TRMT11: variants seen among roughly 807,000 people sequenced by gnomAD.
TRMT11 encodes tRNA methyltransferase 11, also known as tRNA (guanine(10)-N(2))-methyltransferase TRMT11.
Under a neutral mutation model 62.8 loss-of-function variants are expected in TRMT11, and 53 were observed. The observed-to-expected ratio is 0.84, with a 90% confidence interval of 0.68 to 1.06. The LOEUF (loss-of-function observed/expected upper bound fraction) is 1.06. Among genes scored for constraint, TRMT11 ranks in the 50% least tolerant of loss-of-function variants. The pLI is 0.00. For synonymous variants in TRMT11, 188 were observed against 190.3 expected, an observed-to-expected ratio of 0.99 and a Z score of 0.10; for missense variants, 556 against 553.4, an observed-to-expected ratio of 1.00 and a Z score of -0.05.
chr6:126,088,387 A>G (rs547396479), intron 17 of TRMT11, among the ~76,000 whole-genome samples: 2 of 152,330 alleles, frequency 1.3e-5, no homozygotes, highest in South Asian at 4.1e-4. Flanking sequence ...CACCTGGAGA[A>G]CTAAAAAAAA....
At chr6:126,154,331 G>A (rs532483140) in intron 21 of TRMT11, among the ~76,000 whole-genome samples, 11 of 145,464 alleles carry the variant, frequency 7.6e-5, no homozygotes, top group African/African-American at 2.5e-4. Flanking sequence ...AGATATGTGT[G>A]TGTGTGTATG....
chr6:126,082,741 AT>A (rs1777172166), intron 17 of TRMT11, among the ~76,000 whole-genome samples: 18 of 152,124 alleles, frequency 1.2e-4, no homozygotes, highest in Admixed American at 1.2e-3. Flanking sequence ...CCATTTTGGA[AT>A]TTTATGTCCT....
At chr6:126,078,265 C>A (rs1777076280) in intron 17 of TRMT11, among the ~76,000 whole-genome samples, 1 of 152,168 alleles carries the variant, frequency 6.6e-6, no homozygotes, top group African/African-American at 2.4e-5. Flanking sequence ...AGCCCAGCAG[C>A]CATATGTAAA....
At chr6:126,065,102 A>C (rs192503192) in intron 17 of TRMT11, among the ~76,000 whole-genome samples, 1 of 152,312 alleles carries the variant, frequency 6.6e-6, no homozygotes, top group East Asian at 1.9e-4. Flanking sequence ...TCTCACTCAC[A>C]AAACGTGAAC....
At position 126,039,120 on chromosome 6, in the gene TRMT11, G is replaced by C. The variant is rs1441113877; in HGVS notation, c.*284G>C. 4.9e-6 allele frequency: 1 copy of C among 204,116 alleles called. No homozygotes were observed. The highest frequency in any genetic ancestry group is 9.7e-6 in the Non-Finnish European group (1 of 103,086). 12.6% of individuals were successfully genotyped at this position (204,116 alleles called of 1,614,324 possible). On this transcript the variant is annotated 3_prime_UTR_variant, in exon 13 of 13. Coordinates refer to ENST00000334379, the MANE Select transcript of TRMT11 (RefSeq NM_001031712.3). The stretch of plus-strand genomic sequence containing the variant: ...TATTTTTTTACAATTAATCTACAAA[G>C]GGAATTAATATTGTTGACTTTTAAA...
exon 4 of TRMT11, chr6:126,202,093 C>T (rs1257823994): frequency 1.3e-5 from 2 of 152,062 alleles, no homozygotes; most frequent in African/African-American, 4.8e-5. Context: ...CATTGTTTAA[C>T]CATTTTGCCA....
At chr6:126,153,540 G>A (rs1194688751) in intron 21 of TRMT11, among the ~76,000 whole-genome samples, 1 of 152,180 alleles carries the variant, frequency 6.6e-6, no homozygotes, top group Non-Finnish European at 1.5e-5. Context: ...TAAAATATGA[G>A]TATATGACTA....
At chr6:126,043,728 T>C (rs1395355357), downstream of TRMT11, among the ~76,000 whole-genome samples, 7 of 150,642 alleles carry the variant, frequency 4.6e-5, no homozygotes, top group Non-Finnish European at 9.0e-5. Context: ...GTTTCCTGAC[T>C]TTTTAATGAT....
chr6:126,106,681 T>C (rs1373915274), intron 17 of TRMT11, among the ~76,000 whole-genome samples: 1 of 152,120 alleles, frequency 6.6e-6, no homozygotes, highest in Non-Finnish European at 1.5e-5. Context: ...TACTTCTCTG[T>C]AGAATGGGGG....
chr6:126,066,296 C>T (rs1776687684), intron 17 of TRMT11, among the ~76,000 whole-genome samples: 1 of 152,168 alleles, frequency 6.6e-6, no homozygotes, highest in Non-Finnish European at 1.5e-5. Flanking sequence ...CATGGACTGT[C>T]ACTCAGTTTG....
At chr6:125,995,906 TA>T in intron 2 of TRMT11, 60 bp from the exon 3 acceptor site, 1 of 1,001,654 alleles carries the variant, frequency 1.0e-6, no homozygotes, top group Non-Finnish European at 1.6e-6. Flanking sequence ...ACTTCTTGAA[TA>T]AAAGCATATG....
intron 21 of TRMT11, among the ~76,000 whole-genome samples, chr6:126,136,145 G>T (rs913001183): frequency 6.6e-6 from 1 of 151,456 alleles, no homozygotes; most frequent in African/African-American, 2.4e-5. Flanking sequence ...AAAGCAATTA[G>T]GCAAGAGAAA....
rs1258464643 is a variant in TRMT11, at chr6:125,998,774, G to A, written c.522+90G>A. On this transcript the variant is annotated intron_variant, in intron 6 of 12. Coordinates refer to ENST00000334379, the MANE Select transcript of TRMT11 (RefSeq NM_001031712.3). ...GTTGACTCCTATGTAGAACTTTAAA[G>A]CAGCTGAAGAGTCAGAACTACTGAA... 8 of 1,282,420 alleles carry A rather than the reference G, an allele frequency of 6.2e-6. No individual in the cohort carries two copies. In the Admixed American group the frequency reaches 1.8e-4, roughly 28 times the overall value. 79.4% of individuals were successfully genotyped at this position (1,282,420 alleles called of 1,614,324 possible).
downstream of TRMT11, among the ~76,000 whole-genome samples, chr6:126,208,601 G>A (rs1412707074): frequency 6.6e-6 from 1 of 152,178 alleles, no homozygotes; most frequent in Non-Finnish European, 1.5e-5. Context: ...AGGACTGAGA[G>A]GCAATGGAAA....
At chr6:125,986,644 G>A (rs373305327) in intron 1 of TRMT11, 22 bp downstream of exon 1, 2 of 1,568,320 alleles carry the variant, frequency 1.3e-6, no homozygotes, top group Non-Finnish European at 1.7e-6. Context: ...GCGCCCTCCG[G>A]AACTTCCGAC....
chr6:126,116,615 C>T (rs1777590166), intron 21 of TRMT11, among the ~76,000 whole-genome samples: 2 of 152,038 alleles, frequency 1.3e-5, no homozygotes, highest in South Asian at 4.1e-4. Context: ...TCTTATGTAA[C>T]CTGTCATAAA....
intron 19 of TRMT11, among the ~76,000 whole-genome samples, chr6:126,114,892 T>C (rs1164369091): frequency 6.6e-6 from 1 of 152,052 alleles, no homozygotes; most frequent in African/African-American, 2.4e-5. Context: ...CTAAATGGTA[T>C]CACATTTACA....
chr6:126,112,170 C>T (rs901843979), intron 17 of TRMT11, among the ~76,000 whole-genome samples: 24 of 152,082 alleles, frequency 1.6e-4, no homozygotes, highest in Non-Finnish European at 1.5e-5. Context: ...TCCTTCCCAT[C>T]TCTTTCTGGT....
chr6:126,131,572 A>G (rs1302731403), intron 21 of TRMT11, among the ~76,000 whole-genome samples: 1 of 151,988 alleles, frequency 6.6e-6, no homozygotes, highest in African/African-American at 2.4e-5. Context: ...CCCCTCCTGG[A>G]GACAAATCCC....
Sources: gnomAD v4.1 joint callset for allele counts (sites outside exome capture counted in the v4.1 genomes callset) on GRCh38, gnomAD v4.1.1 for gene constraint, MANE v1.5 for transcripts, NCBI Gene and HGNC (gene_info 2026-07-23, HGNC 2026-07-21) for gene names.